PTPRQ: variants seen among roughly 807,000 people sequenced by gnomAD.
PTPRQ encodes the protein phosphatidylinositol phosphatase PTPRQ.
PTPRQ carries 199 observed loss-of-function variants against 246.0 expected under a neutral mutation model. That is an observed-to-expected ratio of 0.81 (90% CI 0.72 to 0.91). The LOEUF is 0.91. Among genes scored for constraint, PTPRQ ranks in the 40% least tolerant of loss-of-function variants. The pLI, the probability that PTPRQ is intolerant of heterozygous loss-of-function variation, is 0.00. For missense variants in PTPRQ, 2,624 were observed against 2,528.4 expected, an observed-to-expected ratio of 1.04 and a Z score of -0.81; for synonymous variants, 869 against 853.2, an observed-to-expected ratio of 1.02 and a Z score of -0.32.
intron 3 of PTPRQ, among the ~76,000 whole-genome samples, chr12:80,456,266 A>G (rs2120455703): frequency 6.6e-6 from 1 of 152,296 alleles, no homozygotes; most frequent in Admixed American, 6.5e-5. Context: ...ATTAAAGAAC[A>G]CGATCAGAAC....
chr12:80,510,481 A>G (rs1260081617), intron 17 of PTPRQ, 38 bp downstream of exon 17: 1 of 1,493,700 alleles, frequency 6.7e-7, no homozygotes, highest in Non-Finnish European at 9.0e-7. Context: ...CTGAGAACAG[A>G]TATTAATCTG....
Position 80,537,910 on chromosome 12 carries a change from C to T in PTPRQ, c.2986-1866C>T, listed in dbSNP as rs551587228. Among the ~76,000 whole-genome samples the T allele has an allele frequency of 3.8e-3, 571 of 152,112 alleles. 2 individuals carry two copies. The highest frequency in any genetic ancestry group is 6.8e-3 in the Middle Eastern group (2 of 294). On this transcript the variant is annotated intron_variant, in intron 19 of 44. Coordinates refer to ENST00000644991, the MANE Select transcript of PTPRQ (RefSeq NM_001145026.2). Reference sequence around the variant, plus strand: ...GGATCACGAGGTCAGGAGATCGAGACCATCCTGGCTAACAAGGTGAAACCC... The same window carrying T: ...GGATCACGAGGTCAGGAGATCGAGATCATCCTGGCTAACAAGGTGAAACCC...
chr12:80,521,728 G>C (rs1199464536), intron 17 of PTPRQ, among the ~76,000 whole-genome samples: 1 of 152,086 alleles, frequency 6.6e-6, no homozygotes, highest in Non-Finnish European at 1.5e-5. Context: ...CTATATCTCT[G>C]TTTTGGTACC....
intron 25 of PTPRQ, among the ~76,000 whole-genome samples, chr12:80,573,788 A>G (rs142980811): frequency 3.3e-5 from 5 of 152,278 alleles, no homozygotes; most frequent in Non-Finnish European, 7.4e-5. Flanking sequence ...ATTTTTCCAA[A>G]TAACCAACTT....
intron 38 of PTPRQ, 77 bp from the exon 39 acceptor site, chr12:80,657,908 T>C (rs1900496752): frequency 3.7e-6 from 4 of 1,086,502 alleles, no homozygotes; most frequent in Non-Finnish European, 5.0e-6. Context: ...TGAACTCCTT[T>C]GTATTACTTT....
intron 39 of PTPRQ, among the ~76,000 whole-genome samples, chr12:80,663,207 TGTTA>T (rs1900685800): frequency 6.6e-6 from 1 of 151,876 alleles, no homozygotes; most frequent in Non-Finnish European, 1.5e-5. Flanking sequence ...GATCATATAA[TGTTA>T]GTTTTGTAAA....
chr12:80,582,846 C>A (rs1367718042), intron 25 of PTPRQ, among the ~76,000 whole-genome samples: 1 of 152,026 alleles, frequency 6.6e-6, no homozygotes, highest in Non-Finnish European at 1.5e-5. Flanking sequence ...CAGAGTGAGA[C>A]CTTGTCAAAA....
intron 39 of PTPRQ, among the ~76,000 whole-genome samples, chr12:80,659,172 T>G (rs1900546999): frequency 6.6e-6 from 1 of 152,078 alleles, no homozygotes; most frequent in Non-Finnish European, 1.5e-5. Flanking sequence ...ATTTTAATGC[T>G]AGAACTTTAA....
chr12:80,591,052 T>C (rs1372912103), intron 26 of PTPRQ, among the ~76,000 whole-genome samples: 1 of 152,040 alleles, frequency 6.6e-6, no homozygotes, highest in Non-Finnish European at 1.5e-5. Context: ...ATCATGTTAT[T>C]TTAATGAACA....
chr12:80,569,725 T>C (rs1267911116), intron 25 of PTPRQ, among the ~76,000 whole-genome samples: 1 of 151,888 alleles, frequency 6.6e-6, no homozygotes, highest in African/African-American at 2.4e-5. Flanking sequence ...CTCCTAATGC[T>C]ATCCATCCCC....
At chr12:80,518,783 T>A (rs1370060354) in intron 17 of PTPRQ, among the ~76,000 whole-genome samples, 1 of 152,132 alleles carries the variant, frequency 6.6e-6, no homozygotes, top group African/African-American at 2.4e-5. Context: ...AATGAGTTCA[T>A]TGTAGGTATG....
chr12:80,507,813 C>T (rs1895008122), intron 16 of PTPRQ, among the ~76,000 whole-genome samples: 1 of 151,888 alleles, frequency 6.6e-6, no homozygotes, highest in South Asian at 2.1e-4. Context: ...TTAAAATTAT[C>T]TTAATAAAAA....
Position 80,506,657 on chromosome 12 carries a change from G to T in PTPRQ, c.2544G>T (p.Leu848=). ...EGVRSAPISI[L]TEEDAPDSPP... ...TTCGGAGTGCTCCCATAAGTATACT[G>T]ACGGAGGAAGATGGTAAATATAATA... Residue 848 remains leucine (L), a synonymous_variant, in exon 16 of 45, where the codon CTG becomes CTT. Transcript: ENST00000644991. 1 of 1,540,678 alleles carries T rather than the reference G, an allele frequency of 6.5e-7. No homozygotes were observed. Among genetic ancestry groups the T allele is most frequent in the South Asian group, 1.2e-5 (1 of 82,338 alleles).
intron 6 of PTPRQ, among the ~76,000 whole-genome samples, chr12:80,463,508 T>C (rs1349304583): frequency 2.0e-5 from 3 of 152,048 alleles, no homozygotes; most frequent in Non-Finnish European, 4.4e-5. Flanking sequence ...ATTCAGGAAA[T>C]ACAGAGAATG....
chr12:80,492,038 A>T (rs961682335), intron 9 of PTPRQ, among the ~76,000 whole-genome samples: 1 of 151,864 alleles, frequency 6.6e-6, no homozygotes, highest in Non-Finnish European at 1.5e-5. Context: ...AAAATTAGTA[A>T]AAGAGAGTAG....
At chr12:80,479,814 CA>C (rs1290182510) in intron 8 of PTPRQ, among the ~76,000 whole-genome samples, 1 of 152,146 alleles carries the variant, frequency 6.6e-6, no homozygotes, top group Non-Finnish European at 1.5e-5. Flanking sequence ...ATCAATTCAA[CA>C]AGAAGAGCTA....
chr12:80,628,229 G>A (rs1899280392), intron 33 of PTPRQ, among the ~76,000 whole-genome samples: 1 of 152,026 alleles, frequency 6.6e-6, no homozygotes, highest in African/African-American at 2.4e-5. Flanking sequence ...AATACTTTAG[G>A]TGATACATGC....
chr12:80,630,715 A>T (rs901050476), intron 33 of PTPRQ, among the ~76,000 whole-genome samples: 1 of 152,094 alleles, frequency 6.6e-6, no homozygotes, highest in African/African-American at 2.4e-5. Context: ...AATACTGATT[A>T]TTAATTTTTT....
At position 80,459,448 on chromosome 12, in the gene PTPRQ, G is replaced by C. The variant is rs1452094014; in HGVS notation, c.625G>C (p.Glu209Gln). 2 of 398,328 alleles carry C rather than the reference G, an allele frequency of 5.0e-6. No homozygotes were observed. Among genetic ancestry groups the C allele is most frequent in the East Asian group, 7.1e-5 (2 of 28,064 alleles). 24.7% of individuals were successfully genotyped at this position (398,328 alleles called of 1,614,324 possible). ...AGTGAAAGATGTCTCAATCAGAGTA[G>C]AGGACATTTTGACTGGGAAATTGCC... Reference protein sequence around the residue: ...IVVKDVSIRVEDILTGKLPEC... With the variant: ...IVVKDVSIRVQDILTGKLPEC... The change falls in exon 5 of 45, where the codon GAG becomes CAG. Residue 209 changes from glutamate to glutamine, a missense_variant. Transcript: ENST00000644991.
Sources: allele counts gnomAD v4.1 joint callset (sites outside exome capture counted in the v4.1 genomes callset), GRCh38; gene constraint gnomAD v4.1.1; transcripts MANE v1.5; gene names NCBI Gene and HGNC (gene_info 2026-07-23, HGNC 2026-07-21).